Variants in NLRP9 observed in about 807,000 individuals in gnomAD.
NLRP9 encodes NACHT, LRR and PYD domains-containing protein 9.
A neutral mutation model predicts 83.1 loss-of-function variants in NLRP9; 88 were observed. The ratio of observed to expected loss-of-function variants is 1.06; its 90% CI spans 0.89 to 1.26. The LOEUF (loss-of-function observed/expected upper bound fraction) is 1.26. Among genes scored for constraint, NLRP9 ranks in the 50% most tolerant of loss-of-function variants. The probability of loss-of-function intolerance (pLI) is 0.00; values close to 1 mark genes in which losing one functional copy is unlikely to be tolerated. For missense variants in NLRP9, 1,308 were observed against 1,179.3 expected (o/e 1.11, Z -1.60); for synonymous variants, 521 against 447.6 (o/e 1.16, Z -2.07).
chr19:55,732,539 A>G lies in NLRP9; in HGVS notation c.1292T>C (p.Met431Thr), dbSNP rs1391956739. 6.2e-7 allele frequency: 1 copy of G among 1,614,168 alleles called. No homozygotes were observed. Among genetic ancestry groups the G allele is most frequent in the Non-Finnish European group, 8.5e-7 (1 of 1,180,016 alleles). Residue 431 changes from methionine (M) to threonine (T), a missense_variant, in exon 2 of 9, where the codon ATG becomes ACG. Coordinates refer to ENST00000332836, the MANE Select transcript of NLRP9 (RefSeq NM_176820.4). Reference sequence around the variant, plus strand: ...GTCCCCTCTCCTTTGGAGGAGTCTCATACCCACCCACATCACGCCCTCAGA... The same window carrying G: ...GTCCCCTCTCCTTTGGAGGAGTCTCGTACCCACCCACATCACGCCCTCAGA... ...SESEGVMWVG[M>T]RLLQRRGDCF...
intron 3 of NLRP9, among the ~76,000 whole-genome samples, chr19:55,726,192 C>T (rs959382104): frequency 2.6e-5 from 4 of 152,178 alleles, no homozygotes; most frequent in Admixed American, 6.5e-5. Flanking sequence ...GAATGCCAAC[C>T]GTCAGCCAGC....
intron 3 of NLRP9, among the ~76,000 whole-genome samples, chr19:55,725,288 G>A (rs1988365968): frequency 6.6e-6 from 1 of 152,036 alleles, no homozygotes; most frequent in South Asian, 2.1e-4. Flanking sequence ...TATATAATAT[G>A]TATTTATTAG....
chr19:55,711,059 C>A (rs943305004), intron 8 of NLRP9, among the ~76,000 whole-genome samples: 1 of 148,942 alleles, frequency 6.7e-6, no homozygotes, highest in Admixed American at 6.7e-5. Flanking sequence ...GCACTCCAGC[C>A]TGGATGACAG....
intron 1 of NLRP9, among the ~76,000 whole-genome samples, chr19:55,737,061 T>G (rs1205763946): frequency 6.6e-6 from 1 of 152,132 alleles, no homozygotes; most frequent in African/African-American, 2.4e-5. Flanking sequence ...TGCTAATTAC[T>G]AGATACCTAA....
intron 1 of NLRP9, chr19:55,737,744 AAAAAAAAAAAAAAAAAG>A: frequency 1.1e-5 from 2 of 183,590 alleles, no homozygotes; most frequent in Non-Finnish European, 2.2e-5. Flanking sequence ...TAAAAAAAAA[AAAAAAAAAAAAAAAAAG>A]ATAGGCAACT....
At chr19:55,712,397 G>C in intron 7 of NLRP9, 23 bp downstream of exon 7, 1 of 1,578,700 alleles carries the variant, frequency 6.3e-7, no homozygotes, top group East Asian at 2.2e-5. Context: ...ATTTTCCTAC[G>C]ATGGTGATCA....
At chr19:55,715,961 T>TA (rs1987993616) in intron 5 of NLRP9, among the ~76,000 whole-genome samples, 1 of 152,246 alleles carries the variant, frequency 6.6e-6, no homozygotes. Flanking sequence ...TTAAGTGCTC[T>TA]AGTCACAAAA....
At position 55,720,919 on chromosome 19, in the gene NLRP9, ATAT is replaced by A. The variant is rs1216157104; in HGVS notation, c.2159+3058_2159+3060del. 3.3e-5 allele frequency among the ~76,000 whole-genome samples: 5 copies of A among 152,348 alleles called. No homozygotes were observed. The East Asian group carries it at 9.6e-4, about 29-fold the overall frequency. On this transcript the variant is annotated intron_variant, in intron 4 of 8. Coordinates refer to ENST00000332836, the MANE Select transcript of NLRP9 (RefSeq NM_176820.4). ...AAGTCAAACAAATGAAAAGGCGCTCATATTATTAGTCATTAGAGAAATGCAAAT... is the reference window on the plus strand; with the variant it reads ...AAGTCAAACAAATGAAAAGGCGCTCATATTAGTCATTAGAGAAATGCAAAT...
chr19:55,737,388 C>G (rs1022063229), intron 1 of NLRP9: 1 of 152,352 alleles, frequency 6.6e-6, no homozygotes, highest in African/African-American at 2.4e-5. Flanking sequence ...TCCTCCCTCA[C>G]TGCTCCATAT....
chr19:55,713,718 T>TC (rs1373067008), intron 6 of NLRP9, among the ~76,000 whole-genome samples: 202 of 268 alleles, frequency 0.75, 69 homozygotes, highest in Non-Finnish European at 0.79. Context: ...TCTTCCCCCC[T>TC]CCTCCCCACC....
At chr19:55,724,817 G>T (rs1242293646) in intron 3 of NLRP9, among the ~76,000 whole-genome samples, 1 of 152,076 alleles carries the variant, frequency 6.6e-6, no homozygotes, top group Non-Finnish European at 1.5e-5. Context: ...CTGTAATTTG[G>T]GAGGCCAAGG....
chr19:55,717,751 C>T (rs1246312910), intron 4 of NLRP9, among the ~76,000 whole-genome samples: 3 of 152,222 alleles, frequency 2.0e-5, no homozygotes, highest in Non-Finnish European at 2.9e-5. Context: ...AATCCTGACA[C>T]TTCCCAGAGG....
At chr19:55,716,950 G>A (rs1988042602) in intron 4 of NLRP9, 52 bp from the exon 5 acceptor site, 10 of 1,494,034 alleles carry the variant, frequency 6.7e-6, no homozygotes, top group Non-Finnish European at 9.3e-6. Context: ...AATCGCTCAT[G>A]AAACATTATC....
chr19:55,708,611 A>G lies in NLRP9; in HGVS notation c.*301T>C. ...CATGCTCCTACACACCAAGACATCC[A>G]TTAAGAAAATAAAGCCATGCTTTCC... is the stretch of plus-strand genomic sequence containing the variant. On this transcript the variant is annotated 3_prime_UTR_variant, in exon 9 of 9. Transcript: ENST00000332836. 2 of 216,502 alleles carry G rather than the reference A, an allele frequency of 9.2e-6. No homozygotes were observed. Among genetic ancestry groups the G allele is most frequent in the Non-Finnish European group, 1.8e-5 (2 of 110,434 alleles). The allele number at this position is 216,502 out of a possible 1,614,324, so 13.4% of individuals were successfully genotyped here.
chr19:55,716,389 G>C lies in NLRP9; in HGVS notation c.2330+339C>G, dbSNP rs142114337. 7.2e-4 allele frequency among the ~76,000 whole-genome samples: 109 copies of C among 151,620 alleles called. 1 individual carries two copies. The East Asian group carries it at 0.02, about 28-fold the overall frequency. On this transcript the variant is annotated intron_variant, in intron 5 of 8. Transcript: ENST00000332836. The stretch of plus-strand genomic sequence containing the variant: ...TTCTCCTGCCTCAGCCTCCCGAGTA[G>C]CTGGGAGTATGGGCATGCGCCACCA...
intron 1 of NLRP9, among the ~76,000 whole-genome samples, chr19:55,735,703 T>G (rs533594113): frequency 0.021 from 3,226 of 152,058 alleles, 82 homozygotes; most frequent in African/African-American, 0.059. Flanking sequence ...TTTTTTTTTT[T>G]AGACAGAGTC....
At chr19:55,723,165 G>T (rs542435510) in intron 4 of NLRP9, among the ~76,000 whole-genome samples, 2 of 152,184 alleles carry the variant, frequency 1.3e-5, no homozygotes, top group African/African-American at 4.8e-5. Flanking sequence ...AATAGAAAAA[G>T]AAAGATAGAT....
rs759377561 is a variant in NLRP9 at position 55,712,404 on chromosome 19, A to G, written c.2672+16T>C. 1.3e-6 allele frequency: 2 copies of G among 1,599,638 alleles called. No individual in the cohort carries two copies. The highest frequency in any genetic ancestry group is 2.2e-5 in the East Asian group (1 of 44,724). On this transcript the variant is annotated intron_variant, in intron 7 of 8. Coordinates refer to ENST00000332836, the MANE Select transcript of NLRP9 (RefSeq NM_176820.4). ...ATAGATAAATTTTCCTACGATGGTG[A>G]TCAGTAGATACTCACCCGAGACACT...
chr19:55,712,701 T>C lies in NLRP9; in HGVS notation c.2502-111A>G, dbSNP rs898320206. The stretch of plus-strand genomic sequence containing the variant: ...AAGAAATACCCAAGTAAATCTGAGA[T>C]GATGAGGAGGGTGGGGAGGGGAAGG... On this transcript the variant is annotated intron_variant, in intron 6 of 8. Transcript: ENST00000332836. The C allele has an allele frequency of 5.4e-5, 47 of 865,910 alleles. No individual in the cohort carries two copies. In the East Asian group the frequency reaches 1.2e-3, roughly 22 times the overall value. The allele number at this position is 865,910 out of a possible 1,614,324, so 53.6% of individuals were successfully genotyped here.
Sources: allele counts gnomAD v4.1 joint callset (sites outside exome capture counted in the v4.1 genomes callset), GRCh38; gene constraint gnomAD v4.1.1; transcripts MANE v1.5; gene names NCBI Gene and HGNC (gene_info 2026-07-23, HGNC 2026-07-21).